SYT14: variants seen among roughly 807,000 people sequenced by gnomAD.
SYT14 encodes synaptotagmin 14.
SYT14 carries 32 observed loss-of-function variants against 74.2 expected under a neutral mutation model. The ratio of observed to expected loss-of-function variants is 0.43; its 90% CI spans 0.33 to 0.58. SYT14 has a LOEUF of 0.58. SYT14 is among the 20% of genes least tolerant of loss of function. SYT14 has a pLI of 0.05. For synonymous variants in SYT14, 298 were observed against 337.7 expected, an observed-to-expected ratio of 0.88 and a Z score of 1.29; for missense variants, 791 against 981.8, an observed-to-expected ratio of 0.81 and a Z score of 2.60.
intron 5 of SYT14, among the ~76,000 whole-genome samples, chr1:210,064,727 G>A (rs2081266403): frequency 6.6e-6 from 1 of 152,022 alleles, no homozygotes; most frequent in South Asian, 2.1e-4. Context: ...TATAAACACT[G>A]ATGTGCAAGT....
At chr1:210,012,209 A>T (rs1202106826) in intron 2 of SYT14, among the ~76,000 whole-genome samples, 2 of 152,184 alleles carry the variant, frequency 1.3e-5, no homozygotes, top group East Asian at 3.9e-4. Context: ...AGTTTTCTTG[A>T]TCTTTCAGCA....
chr1:209,975,620 G>C (rs997277166), intron 2 of SYT14, among the ~76,000 whole-genome samples: 5 of 152,108 alleles, frequency 3.3e-5, no homozygotes, highest in African/African-American at 1.2e-4. Flanking sequence ...ATTTTATTGA[G>C]GATTTTTGTA....
At chr1:210,159,375 C>A in intron 8 of SYT14, 46 bp from the exon 8 acceptor site, 1 of 1,526,874 alleles carries the variant, frequency 6.5e-7, no homozygotes, top group Non-Finnish European at 8.9e-7. Context: ...CAACGATTGA[C>A]ATCTGGTCAT....
intron 5 of SYT14, among the ~76,000 whole-genome samples, chr1:210,031,957 G>A (rs1365129435): frequency 6.6e-6 from 1 of 152,070 alleles, no homozygotes; most frequent in Non-Finnish European, 1.5e-5. Context: ...CTTTGCTATG[G>A]ACTACTATGC....
intron 5 of SYT14, among the ~76,000 whole-genome samples, chr1:210,072,658 A>C (rs1572250842): frequency 1.3e-5 from 2 of 152,134 alleles, no homozygotes; most frequent in South Asian, 4.2e-4. Flanking sequence ...ATCATTTTTA[A>C]TTCTTAGTCC....
chr1:210,014,778 C>A (rs1239166540), intron 3 of SYT14, among the ~76,000 whole-genome samples: 1 of 152,008 alleles, frequency 6.6e-6, no homozygotes, highest in African/African-American at 2.4e-5. Flanking sequence ...GCTTTTTGAT[C>A]ATTTGTGCAG....
At chr1:209,978,808 A>G (rs1407733248) in intron 2 of SYT14, among the ~76,000 whole-genome samples, 1 of 152,186 alleles carries the variant, frequency 6.6e-6, no homozygotes, top group East Asian at 1.9e-4. Flanking sequence ...CAGAGGTGGA[A>G]CCTGCAGAGG....
At chr1:210,017,213 C>A in intron 4 of SYT14, 1 of 687,364 alleles carries the variant, frequency 1.5e-6, no homozygotes, top group Non-Finnish European at 2.0e-6. Flanking sequence ...ATATTTAAGA[C>A]TTTCTTGAAT....
chr1:209,947,575 AG>A (rs2078842405), intron 1 of SYT14, among the ~76,000 whole-genome samples: 1 of 152,236 alleles, frequency 6.6e-6, no homozygotes, highest in South Asian at 2.1e-4. Context: ...TGAACGGATG[AG>A]GAGTTGCTTA....
chr1:209,961,276 T>C (rs1264707660), intron 2 of SYT14, among the ~76,000 whole-genome samples: 5 of 152,186 alleles, frequency 3.3e-5, no homozygotes, highest in Non-Finnish European at 7.4e-5. Flanking sequence ...TAGAACTATA[T>C]TCTGACTTTT....
At chr1:209,958,996 A>G (rs1416130684) in intron 2 of SYT14, among the ~76,000 whole-genome samples, 2 of 152,186 alleles carry the variant, frequency 1.3e-5, no homozygotes, top group Non-Finnish European at 2.9e-5. Flanking sequence ...TTTAGAAAAC[A>G]ATTACAAAGT....
At chr1:209,971,200 A>G (rs2079249828) in intron 2 of SYT14, among the ~76,000 whole-genome samples, 1 of 152,296 alleles carries the variant, frequency 6.6e-6, no homozygotes, top group South Asian at 2.1e-4. Context: ...TTATAAGTGT[A>G]TAGAAATGCT....
rs186130177 is a variant in SYT14 at position 210,042,599 on chromosome 1, C to T, written c.1312+21345C>T. 2.5e-3 allele frequency among the ~76,000 whole-genome samples: 376 copies of T among 152,280 alleles called. 1 individual carries two copies. Among genetic ancestry groups the T allele is most frequent in the African/African-American group, 5.5e-3 (230 of 41,556 alleles). On this transcript the variant is annotated intron_variant, in intron 5 of 9. Coordinates refer to ENST00000637265, the Ensembl canonical transcript of SYT14. ...TTATGGCTAGCCAGTTTTCCCAACA[C>T]CATTTATTAAATAGGGAATCCTTTC...
intron 6 of SYT14, among the ~76,000 whole-genome samples, chr1:210,098,909 G>T (rs937854848): frequency 6.6e-6 from 1 of 152,038 alleles, no homozygotes; most frequent in Admixed American, 6.6e-5. Context: ...GGCCAGGTTG[G>T]TCTCGAACTC....
chr1:210,167,961 A>T (rs925827619), exon 10 of SYT14: 4 of 152,138 alleles, frequency 2.6e-5, no homozygotes, highest in Non-Finnish European at 4.4e-5. Flanking sequence ...TCTCTTAATC[A>T]CCTGTACTGG....
intron 2 of SYT14, among the ~76,000 whole-genome samples, chr1:209,983,463 C>T (rs553850742): frequency 6.6e-6 from 1 of 152,226 alleles, no homozygotes; most frequent in Non-Finnish European, 1.5e-5. Flanking sequence ...TACTGAGTCT[C>T]TGATTTGCCT....
intron 1 of SYT14, among the ~76,000 whole-genome samples, chr1:209,952,372 CA>C (rs2078926137): frequency 6.6e-6 from 1 of 152,066 alleles, no homozygotes; most frequent in South Asian, 2.1e-4. Context: ...GGCTCAGATA[CA>C]AAAGTGGGTC....
At chr1:210,167,019 T>C (rs2083463551) in exon 10 of SYT14, 1 of 152,212 alleles carries the variant, frequency 6.6e-6, no homozygotes, top group African/African-American at 2.4e-5. Context: ...TTTCTTGGTA[T>C]AATAAATATG....
At chr1:209,970,589 A>G (rs1191832150) in intron 2 of SYT14, among the ~76,000 whole-genome samples, 2 of 148,262 alleles carry the variant, frequency 1.3e-5, no homozygotes, top group Non-Finnish European at 3.0e-5. Flanking sequence ...GTTTTTTTCT[A>G]ATTCTGTGAA....
Sources: gnomAD v4.1 joint callset for allele counts (sites outside exome capture counted in the v4.1 genomes callset) on GRCh38, gnomAD v4.1.1 for gene constraint, MANE v1.5 for transcripts, NCBI Gene and HGNC (gene_info 2026-07-23, HGNC 2026-07-21) for gene names.